CHST8: variants seen among roughly 807,000 people sequenced by gnomAD.
CHST8 encodes carbohydrate sulfotransferase 8.
Under a neutral mutation model 15.0 loss-of-function variants are expected in CHST8, and 10 were observed. The ratio of observed to expected loss-of-function variants is 0.67; its 90% CI spans 0.41 to 1.13. CHST8 has a LOEUF of 1.13. Among genes scored for constraint, CHST8 ranks in the 50% most tolerant of loss-of-function variants. CHST8 has a pLI of 0.00. For synonymous variants in CHST8, 259 were observed against 256.6 expected (o/e 1.01, Z -0.09); for missense variants, 634 against 608.2 (o/e 1.04, Z -0.45).
intron 3 of CHST8, among the ~76,000 whole-genome samples, chr19:33,757,494 GAAA>G: frequency 4.2e-5 from 2 of 47,086 alleles, no homozygotes; most frequent in African/African-American, 1.8e-4. Context: ...AAGAAAGAAA[GAAA>G]GAAAGAAAGA....
intron 3 of CHST8, among the ~76,000 whole-genome samples, chr19:33,692,469 G>A (rs1973115209): frequency 6.6e-6 from 1 of 152,148 alleles, no homozygotes; most frequent in African/African-American, 2.4e-5. Context: ...AGGCCTGGGT[G>A]GGAGAATCAC....
chr19:33,767,288 G>A lies in CHST8; in HGVS notation c.131-4125G>A, dbSNP rs536409830. Among the ~76,000 whole-genome samples, 286 of 152,324 alleles carry A rather than the reference G, an allele frequency of 1.9e-3. 1 individual carries two copies. Among genetic ancestry groups the A allele is most frequent in the African/African-American group, 6.8e-3 (283 of 41,568 alleles). On this transcript the variant is annotated intron_variant, in intron 3 of 4. Transcript: ENST00000650847. Reference sequence around the variant, plus strand: ...ACCCTCCATGGCTCCTGGGCAGTGGGGATTGGGGCTTTTGTGTGGCACCCT... The same window carrying A: ...ACCCTCCATGGCTCCTGGGCAGTGGAGATTGGGGCTTTTGTGTGGCACCCT...
chr19:33,641,523 C>T (rs866273299), intron 1 of CHST8, among the ~76,000 whole-genome samples: 1 of 152,304 alleles, frequency 6.6e-6, no homozygotes, highest in South Asian at 2.1e-4. Flanking sequence ...TCTATCTCCC[C>T]AGGGGGGCAA....
At chr19:33,699,228 G>C (rs1973284122) in intron 3 of CHST8, among the ~76,000 whole-genome samples, 1 of 152,178 alleles carries the variant, frequency 6.6e-6, no homozygotes, top group African/African-American at 2.4e-5. Context: ...AGGCAGGGGA[G>C]GGGTGCACAG....
At chr19:33,646,507 G>A (rs1422676787) in intron 1 of CHST8, among the ~76,000 whole-genome samples, 19 of 152,338 alleles carry the variant, frequency 1.2e-4, no homozygotes, top group Non-Finnish European at 1.5e-5. Flanking sequence ...GTTGGGGATG[G>A]TGTAAAATCT....
At chr19:33,675,050 G>C (rs547999229) in intron 2 of CHST8, among the ~76,000 whole-genome samples, 40 of 152,338 alleles carry the variant, frequency 2.6e-4, no homozygotes, top group African/African-American at 9.4e-4. Context: ...GCTCACACAT[G>C]TATGTGTACA....
Position 33,728,290 on chromosome 19 carries a change from C to A in CHST8, c.130+38899C>A, listed in dbSNP as rs1367217944. On this transcript the variant is annotated intron_variant, in intron 3 of 4. Coordinates refer to ENST00000650847, the MANE Select transcript of CHST8 (RefSeq NM_001127895.2). ...AGGCTCTGGCCTGGGTGAGTGGTGA[C>A]ATCTATGTCCTTGATGTGGATATAT... 3.9e-5 allele frequency among the ~76,000 whole-genome samples: 6 copies of A among 152,380 alleles called. No individual in the cohort carries two copies. In the East Asian group the frequency reaches 9.6e-4, roughly 24 times the overall value.
chr19:33,739,587 TTGA>T (rs1477282616), intron 3 of CHST8, among the ~76,000 whole-genome samples: 6 of 152,204 alleles, frequency 3.9e-5, no homozygotes, highest in African/African-American at 1.4e-4. Flanking sequence ...ACTCGAGTGG[TTGA>T]TATCTCACTG....
At chr19:33,740,525 A>C (rs1974165354) in intron 3 of CHST8, among the ~76,000 whole-genome samples, 1 of 152,210 alleles carries the variant, frequency 6.6e-6, no homozygotes, top group African/African-American at 2.4e-5. Context: ...CAGGGAAAGG[A>C]GAATCACCCT....
At chr19:33,645,655 G>A (rs1034784371) in intron 1 of CHST8, among the ~76,000 whole-genome samples, 1 of 152,152 alleles carries the variant, frequency 6.6e-6, no homozygotes, top group East Asian at 1.9e-4. Flanking sequence ...AGGACATACA[G>A]GATTTAGGAT....
chr19:33,736,676 T>C (rs1004898353), intron 3 of CHST8, among the ~76,000 whole-genome samples: 6 of 152,124 alleles, frequency 3.9e-5, no homozygotes, highest in Admixed American at 3.9e-4. Context: ...TCTGTTAAGA[T>C]GTCCTTTCTG....
At chr19:33,632,264 C>T (rs888493003) in intron 1 of CHST8, among the ~76,000 whole-genome samples, 2 of 152,084 alleles carry the variant, frequency 1.3e-5, no homozygotes, top group African/African-American at 4.8e-5. Context: ...CTCAGCCTCC[C>T]GAGTAGCTGG....
At chr19:33,701,457 T>C (rs1973334918) in intron 3 of CHST8, among the ~76,000 whole-genome samples, 1 of 152,238 alleles carries the variant, frequency 6.6e-6, no homozygotes, top group South Asian at 2.1e-4. Flanking sequence ...AATCTGAAAA[T>C]TGATATTAAT....
chr19:33,625,301 TCGA>T (rs1972037248), intron 1 of CHST8, among the ~76,000 whole-genome samples: 1 of 149,280 alleles, frequency 6.7e-6, no homozygotes, highest in Non-Finnish European at 1.5e-5. Flanking sequence ...CAGGATGGTC[TCGA>T]TCTCCTGACC....
chr19:33,736,065 C>T (rs996024205), intron 3 of CHST8, among the ~76,000 whole-genome samples: 4 of 152,194 alleles, frequency 2.6e-5, no homozygotes, highest in Non-Finnish European at 5.9e-5. Context: ...GACATGGGGC[C>T]GGGATCCCAG....
intron 1 of CHST8, among the ~76,000 whole-genome samples, chr19:33,628,755 A>G (rs1030534926): frequency 2.0e-5 from 3 of 152,230 alleles, no homozygotes; most frequent in Non-Finnish European, 2.9e-5. Context: ...TGGTCGAACC[A>G]GTGCATTCTG....
intron 3 of CHST8, among the ~76,000 whole-genome samples, chr19:33,737,680 C>T (rs1324559572): frequency 6.6e-6 from 1 of 152,186 alleles, no homozygotes; most frequent in Non-Finnish European, 1.5e-5. Flanking sequence ...AGGCTCTCCT[C>T]TAAAGCATGG....
At chr19:33,622,424 G>A (rs1011700316) in intron 1 of CHST8, 128 bp downstream of exon 1, 1 of 152,060 alleles carries the variant, frequency 6.6e-6, no homozygotes, top group African/African-American at 2.4e-5. Context: ...CACCGCACGC[G>A]AATGGGAGTC....
intron 3 of CHST8, among the ~76,000 whole-genome samples, chr19:33,771,196 G>A (rs371456428): frequency 6.6e-6 from 1 of 152,110 alleles, no homozygotes; most frequent in African/African-American, 2.4e-5. Context: ...CCTCAGCTGC[G>A]AGCCAGTGGG....
Sources: allele counts gnomAD v4.1 joint callset (sites outside exome capture counted in the v4.1 genomes callset), GRCh38; gene constraint gnomAD v4.1.1; transcripts MANE v1.5; gene names NCBI Gene and HGNC (gene_info 2026-07-23, HGNC 2026-07-21).